The following NR6A1 variants were observed in gnomAD, a reference collection of about 807,000 sequenced individuals.
NR6A1 encodes the protein retinoic acid receptor-related testis-associated receptor.
NR6A1 carries 7 observed loss-of-function variants against 59.1 expected under a neutral mutation model. That is an observed-to-expected ratio of 0.12 (90% CI 0.07 to 0.22). The LOEUF is 0.22. NR6A1 is among the 10% of genes least tolerant of loss of function. The pLI, the probability that NR6A1 is intolerant of heterozygous loss-of-function variation, is 1.00. For missense variants in NR6A1, 468 were observed against 611.6 expected (o/e 0.77, Z 2.48); for synonymous variants, 243 against 236.1 (o/e 1.03, Z -0.27).
chr9:124,526,728 C>T, intron 8 of NR6A1, 51 bp downstream of exon 8: 1 of 1,605,456 alleles, frequency 6.2e-7, no homozygotes. Context: ...CAAATGCTCA[C>T]TGCCTGCCTC....
At chr9:124,715,396 G>A (rs762912412) in intron 2 of NR6A1, among the ~76,000 whole-genome samples, 1 of 151,526 alleles carries the variant, frequency 6.6e-6, no homozygotes, top group Non-Finnish European at 1.5e-5. Flanking sequence ...TTGGCCAGAT[G>A]TAGCAGTGAG....
In NR6A1 at chr9:124,611,464, AGTG is replaced by A. The variant is rs556321258; in HGVS notation, c.143-56897_143-56895del. Among the ~76,000 whole-genome samples, 91 of 152,286 alleles carry A rather than the reference AGTG, an allele frequency of 6.0e-4. 1 individual carries two copies. The South Asian group carries it at 0.018, about 31-fold the overall frequency. ...TTAGAGACAATTTAAGGCTGGGCAC[AGTG>A]GTTCACACCTCTGATCCTAACACTT... On this transcript the variant is annotated intron_variant, in intron 2 of 9. Transcript: ENST00000487099.
At chr9:124,643,107 G>GGC (rs1554738793) in intron 2 of NR6A1, among the ~76,000 whole-genome samples, 1 of 125,986 alleles carries the variant, frequency 7.9e-6, no homozygotes, top group Non-Finnish European at 1.6e-5. Flanking sequence ...CGGGTGGGGG[G>GGC]GGGGAACAAA....
chr9:124,728,418 G>A (rs1839788392), intron 2 of NR6A1, among the ~76,000 whole-genome samples: 1 of 151,818 alleles, frequency 6.6e-6, no homozygotes, highest in South Asian at 2.1e-4. Context: ...GGTGGATCAT[G>A]AGGTCAGGAG....
chr9:124,533,505 C>T (rs1316836353), intron 7 of NR6A1, among the ~76,000 whole-genome samples: 6 of 152,140 alleles, frequency 3.9e-5, no homozygotes, highest in Non-Finnish European at 8.8e-5. Flanking sequence ...GTGCAAAGGG[C>T]CCTTGCAGGT....
chr9:124,552,883 A>G (rs201649696), intron 3 of NR6A1, among the ~76,000 whole-genome samples: 1 of 152,172 alleles, frequency 6.6e-6, no homozygotes, highest in East Asian at 1.9e-4. Context: ...AGTTTTTAAA[A>G]GGTCCTTCTT....
At position 124,741,548 on chromosome 9, in the gene NR6A1, C is replaced by T. The variant is rs1015493871; in HGVS notation, c.101-8199G>A. 3.3e-5 allele frequency among the ~76,000 whole-genome samples: 5 copies of T among 152,296 alleles called. No homozygotes were observed. In the Middle Eastern group the frequency reaches 0.01, roughly 311 times the overall value. On this transcript the variant is annotated intron_variant, in intron 1 of 9. Transcript: ENST00000487099. The stretch of plus-strand genomic sequence containing the variant: ...ACTGTAGAGCCTGACAATGCAAATG[C>T]ACTTAATGCCACTAAGTTGTACACT...
Position 124,716,482 on chromosome 9 carries a change from C to G in NR6A1, c.142+16826G>C, listed in dbSNP as rs563578874. ...TGGACTTCATAAAAATTTTAAAGTTCTGTTCCTCACAAAACATGTTAAAAA... is the reference window on the plus strand; with the variant it reads ...TGGACTTCATAAAAATTTTAAAGTTGTGTTCCTCACAAAACATGTTAAAAA... On this transcript the variant is annotated intron_variant, in intron 2 of 9. Coordinates refer to ENST00000487099, the MANE Select transcript of NR6A1 (RefSeq NM_033334.4). 5.9e-4 allele frequency among the ~76,000 whole-genome samples: 90 copies of G among 152,242 alleles called. 1 individual carries two copies. The South Asian group carries it at 0.018, about 31-fold the overall frequency.
At chr9:124,748,626 C>T (rs1411630075) in intron 1 of NR6A1, among the ~76,000 whole-genome samples, 1 of 151,790 alleles carries the variant, frequency 6.6e-6, no homozygotes, top group Admixed American at 6.6e-5. Context: ...TTTGGGAGGC[C>T]GAGGCAGGCA....
chr9:124,645,284 T>A (rs567381301), intron 2 of NR6A1, among the ~76,000 whole-genome samples: 2 of 152,290 alleles, frequency 1.3e-5, no homozygotes, highest in African/African-American at 4.8e-5. Context: ...TAGCAGGTAT[T>A]AATCAACTAC....
At chr9:124,547,312 T>C (rs1233529223) in intron 3 of NR6A1, among the ~76,000 whole-genome samples, 1 of 152,206 alleles carries the variant, frequency 6.6e-6, no homozygotes, top group Non-Finnish European at 1.5e-5. Flanking sequence ...TCAAAACCTG[T>C]CGGTGGTGCC....
intron 2 of NR6A1, among the ~76,000 whole-genome samples, chr9:124,559,711 A>C (rs1298749207): frequency 6.6e-6 from 1 of 152,208 alleles, no homozygotes; most frequent in African/African-American, 2.4e-5. Context: ...TGGAACACAG[A>C]GGTTGCAGTG....
chr9:124,693,443 A>G (rs1838630663), intron 2 of NR6A1, among the ~76,000 whole-genome samples: 1 of 152,240 alleles, frequency 6.6e-6, no homozygotes, highest in Non-Finnish European at 1.5e-5. Flanking sequence ...GTTTACAGGT[A>G]CTAATATGCA....
intron 2 of NR6A1, among the ~76,000 whole-genome samples, chr9:124,697,504 G>C (rs896322969): frequency 1.2e-4 from 18 of 152,078 alleles, no homozygotes; most frequent in African/African-American, 4.1e-4. Flanking sequence ...AAGACTTCAA[G>C]GGTATGTGTA....
At chr9:124,745,352 T>C (rs964465960) in intron 1 of NR6A1, among the ~76,000 whole-genome samples, 2 of 152,264 alleles carry the variant, frequency 1.3e-5, no homozygotes, top group South Asian at 2.1e-4. Flanking sequence ...TTAAAATATA[T>C]TGTTTTTATA....
intron 2 of NR6A1, chr9:124,658,668 A>G (rs1031312476): frequency 2.0e-5 from 3 of 152,014 alleles, no homozygotes; most frequent in Admixed American, 6.6e-5. Flanking sequence ...CATCACCCCC[A>G]TCCCCTTTTG....
At chr9:124,579,867 G>T (rs1392806672) in intron 2 of NR6A1, among the ~76,000 whole-genome samples, 1 of 152,000 alleles carries the variant, frequency 6.6e-6, no homozygotes, top group Non-Finnish European at 1.5e-5. Context: ...ATAATTAGCT[G>T]GGCATGGTGG....
At chr9:124,570,285 C>T (rs1393583470) in intron 2 of NR6A1, among the ~76,000 whole-genome samples, 1 of 152,190 alleles carries the variant, frequency 6.6e-6, no homozygotes, top group Non-Finnish European at 1.5e-5. Flanking sequence ...TTCTAAAACC[C>T]TCTTTGGAGA....
At chr9:124,643,779 A>T (rs1281841761) in intron 2 of NR6A1, among the ~76,000 whole-genome samples, 1 of 149,984 alleles carries the variant, frequency 6.7e-6, no homozygotes, top group African/African-American at 2.4e-5. Flanking sequence ...AAAAAAAGAG[A>T]GAGAGAGAGA....
Sources: gnomAD v4.1 joint callset for allele counts (sites outside exome capture counted in the v4.1 genomes callset) on GRCh38, gnomAD v4.1.1 for gene constraint, MANE v1.5 for transcripts, NCBI Gene and HGNC (gene_info 2026-07-23, HGNC 2026-07-21) for gene names.